Variants in CCDC7 observed in about 807,000 individuals in gnomAD.
The protein encoded by CCDC7 is coiled-coil domain containing 7.
Under a neutral mutation model 196.9 loss-of-function variants are expected in CCDC7, and 183 were observed. That is an observed-to-expected ratio of 0.93 (90% CI 0.82 to 1.05). The LOEUF is 1.05. CCDC7 is among the 50% of genes least tolerant of loss of function. The pLI, the probability that CCDC7 is intolerant of heterozygous loss-of-function variation, is 0.00. For synonymous variants in CCDC7, 525 were observed against 484.6 expected, an observed-to-expected ratio of 1.08 and a Z score of -1.10; for missense variants, 1,540 against 1,482.2, an observed-to-expected ratio of 1.04 and a Z score of -0.64.
intron 21 of CCDC7, among the ~76,000 whole-genome samples, chr10:32,672,110 T>A (rs1231384776): frequency 6.6e-6 from 1 of 152,074 alleles, no homozygotes; most frequent in East Asian, 1.9e-4. Flanking sequence ...CACAGGAATG[T>A]GTGGAGGGAG....
At chr10:32,779,724 G>A (rs2080737977) in intron 29 of CCDC7, among the ~76,000 whole-genome samples, 1 of 152,132 alleles carries the variant, frequency 6.6e-6, no homozygotes, top group African/African-American at 2.4e-5. Context: ...TGACAGAAAC[G>A]TTGAAAAAAG....
At chr10:32,825,582 C>G (rs1362375097) in intron 32 of CCDC7, among the ~76,000 whole-genome samples, 1 of 152,094 alleles carries the variant, frequency 6.6e-6, no homozygotes, top group East Asian at 1.9e-4. Flanking sequence ...CTAGAGAACC[C>G]TAACTGATAC....
At chr10:32,815,208 C>T (rs1293229020) in intron 31 of CCDC7, among the ~76,000 whole-genome samples, 1 of 152,150 alleles carries the variant, frequency 6.6e-6, no homozygotes, top group East Asian at 1.9e-4. Flanking sequence ...AGAAACAGTA[C>T]TCTGTAACCC....
At chr10:32,667,582 C>T (rs201724345) in intron 21 of CCDC7, among the ~76,000 whole-genome samples, 4 of 152,148 alleles carry the variant, frequency 2.6e-5, no homozygotes, top group Non-Finnish European at 4.4e-5. Flanking sequence ...CAGCTTTCTA[C>T]ATATGGCTAG....
At chr10:32,624,831 G>C (rs991707696) in intron 18 of CCDC7, among the ~76,000 whole-genome samples, 15 of 151,862 alleles carry the variant, frequency 9.9e-5, no homozygotes, top group African/African-American at 3.6e-4. Flanking sequence ...TTGGTCATTT[G>C]CCCATTTTTA....
At chr10:32,732,434 GTTGA>G (rs771020742) in intron 28 of CCDC7, among the ~76,000 whole-genome samples, 2 of 152,038 alleles carry the variant, frequency 1.3e-5, no homozygotes, top group Non-Finnish European at 1.5e-5. Flanking sequence ...CTCCATTGTC[GTTGA>G]TTAATCATAT....
At chr10:32,600,243 A>G (rs1020446822) in intron 18 of CCDC7, among the ~76,000 whole-genome samples, 15 of 149,260 alleles carry the variant, frequency 1.0e-4, no homozygotes, top group African/African-American at 3.7e-4. Flanking sequence ...TTCTTTTAGC[A>G]GTATTTTATA....
intron 31 of CCDC7, among the ~76,000 whole-genome samples, chr10:32,815,625 A>G (rs557121279): frequency 2.0e-5 from 3 of 152,358 alleles, no homozygotes; most frequent in African/African-American, 7.2e-5. Context: ...TTTACTAGGT[A>G]ATATTAATCT....
intron 9 of CCDC7, 143 bp downstream of exon 10, chr10:32,492,140 A>T: frequency 2.6e-6 from 2 of 761,182 alleles, no homozygotes; most frequent in Non-Finnish European, 3.6e-6. Flanking sequence ...TAAAGAAGAA[A>T]ATAACACCTC....
intron 20 of CCDC7, among the ~76,000 whole-genome samples, chr10:32,657,742 A>G (rs907322242): frequency 2.0e-5 from 3 of 152,184 alleles, no homozygotes; most frequent in Non-Finnish European, 4.4e-5. Context: ...CTCGTTACTT[A>G]TGGAAATTTC....
chr10:32,808,854 A>G (rs1360236762), intron 30 of CCDC7, among the ~76,000 whole-genome samples: 2 of 152,066 alleles, frequency 1.3e-5, no homozygotes, highest in Non-Finnish European at 2.9e-5. Context: ...GCCGTATACC[A>G]CTGCATACAC....
intron 15 of CCDC7, 27 bp from the exon 17 acceptor site, chr10:32,571,832 T>G: frequency 6.6e-7 from 1 of 1,525,036 alleles, no homozygotes; most frequent in South Asian, 1.3e-5. Flanking sequence ...CTTGATATTT[T>G]TAAATGTAGT....
At chr10:32,677,675 T>A (rs1049073779) in intron 21 of CCDC7, among the ~76,000 whole-genome samples, 4 of 152,114 alleles carry the variant, frequency 2.6e-5, no homozygotes, top group Admixed American at 1.3e-4. Flanking sequence ...ATTTAATGTG[T>A]CTCAGTGTAA....
intron 13 of CCDC7, among the ~76,000 whole-genome samples, chr10:32,551,658 A>G (rs867493242): frequency 2.6e-4 from 40 of 152,062 alleles, no homozygotes; most frequent in African/African-American, 7.7e-4. Context: ...TTTTGACCCA[A>G]TGCTCATTCA....
chr10:32,835,661 C>T (rs1303124540), intron 33 of CCDC7, among the ~76,000 whole-genome samples: 2 of 151,920 alleles, frequency 1.3e-5, no homozygotes, highest in Non-Finnish European at 2.9e-5. Flanking sequence ...TGGAGGGGAA[C>T]AACGAACACT....
At chr10:32,839,667 A>C (rs1199098632) in intron 33 of CCDC7, among the ~76,000 whole-genome samples, 1 of 152,126 alleles carries the variant, frequency 6.6e-6, no homozygotes, top group Non-Finnish European at 1.5e-5. Flanking sequence ...ACAGATATCT[A>C]CAGAACATTC....
At chr10:32,613,507 G>A (rs2062419459) in intron 18 of CCDC7, among the ~76,000 whole-genome samples, 1 of 151,948 alleles carries the variant, frequency 6.6e-6, no homozygotes. Flanking sequence ...GTGATGTTAG[G>A]GTGTTGATTT....
intron 9 of CCDC7, among the ~76,000 whole-genome samples, chr10:32,509,467 A>G (rs967699941): frequency 1.3e-5 from 2 of 151,980 alleles, no homozygotes; most frequent in Non-Finnish European, 2.9e-5. Flanking sequence ...AACATAGGAA[A>G]TAAGCTCCAT....
intron 21 of CCDC7, among the ~76,000 whole-genome samples, chr10:32,669,450 G>A (rs970519287): frequency 1.3e-5 from 2 of 151,974 alleles, no homozygotes; most frequent in African/African-American, 2.4e-5. Flanking sequence ...AACATTTGAG[G>A]GGCATTAGCA....
Sources: allele counts gnomAD v4.1 joint callset (sites outside exome capture counted in the v4.1 genomes callset), GRCh38; gene constraint gnomAD v4.1.1; transcripts MANE v1.5; gene names NCBI Gene and HGNC (gene_info 2026-07-23, HGNC 2026-07-21).